DOCK3: variants seen among roughly 807,000 people sequenced by gnomAD.
The protein encoded by DOCK3 is dedicator of cytokinesis protein 3.
DOCK3 carries 60 observed loss-of-function variants against 265.6 expected under a neutral mutation model. The observed-to-expected ratio is 0.23, with a 90% confidence interval of 0.18 to 0.28. The LOEUF is 0.28. Ranked by LOEUF, DOCK3 falls within the 10% of genes least tolerant of loss-of-function variation. The pLI, the probability that DOCK3 is intolerant of heterozygous loss-of-function variation, is 1.00. For synonymous variants in DOCK3, 881 were observed against 938.0 expected, an observed-to-expected ratio of 0.94 and a Z score of 1.11; for missense variants, 1,981 against 2,594.3, an observed-to-expected ratio of 0.76 and a Z score of 5.14.
intron 28 of DOCK3, among the ~76,000 whole-genome samples, chr3:51,311,545 A>G (rs1389642273): frequency 6.6e-6 from 1 of 152,256 alleles, no homozygotes; most frequent in Non-Finnish European, 1.5e-5. Context: ...TTTATTAACT[A>G]TATAAACCCC....
Position 51,310,336 on chromosome 3 carries a change from G to A in DOCK3, c.3017+10G>A. 6.3e-7 allele frequency: 1 copy of A among 1,577,056 alleles called. No homozygotes were observed. Among genetic ancestry groups the A allele is most frequent in the Non-Finnish European group, 8.6e-7 (1 of 1,158,322 alleles). ...GACTGCTCACAAGCAAGTAAGTATG[G>A]AAGGGCTCTGTATCAGCATCACTGA... is the stretch of plus-strand genomic sequence containing the variant. On this transcript the variant is annotated intron_variant, in intron 28 of 52. Coordinates refer to ENST00000266037, the MANE Select transcript of DOCK3 (RefSeq NM_004947.5).
chr3:51,274,767 T>C (rs1560331178), intron 24 of DOCK3, among the ~76,000 whole-genome samples: 2 of 152,068 alleles, frequency 1.3e-5, no homozygotes, highest in African/African-American at 4.8e-5. Flanking sequence ...GGTGACAGAA[T>C]GAGACCCTGT....
intron 5 of DOCK3, among the ~76,000 whole-genome samples, chr3:51,013,118 T>G (rs1326724671): frequency 2.0e-5 from 3 of 152,190 alleles, no homozygotes; most frequent in Admixed American, 6.5e-5. Context: ...TGGAGAAGTT[T>G]GTTATTACCG....
At chr3:51,170,268 GT>G (rs1417042365) in intron 12 of DOCK3, among the ~76,000 whole-genome samples, 1 of 151,796 alleles carries the variant, frequency 6.6e-6, no homozygotes, top group East Asian at 2.0e-4. Context: ...TGTAAAATGG[GT>G]TTGAAAATGA....
chr3:51,029,327 G>A (rs1041692349), intron 5 of DOCK3, among the ~76,000 whole-genome samples: 2 of 152,170 alleles, frequency 1.3e-5, no homozygotes, highest in Non-Finnish European at 2.9e-5. Context: ...CTTTTACTTA[G>A]TTCATGCTTG....
At chr3:50,789,819 G>A (rs1042702372) in intron 2 of DOCK3, among the ~76,000 whole-genome samples, 4 of 152,078 alleles carry the variant, frequency 2.6e-5, no homozygotes, top group Admixed American at 2.0e-4. Flanking sequence ...TGTGACCTGT[G>A]CCTTCTGGGT....
chr3:51,161,689 A>G (rs776353687), intron 12 of DOCK3, among the ~76,000 whole-genome samples: 10 of 152,308 alleles, frequency 6.6e-5, no homozygotes, highest in Non-Finnish European at 1.3e-4. Context: ...TGTCTTGGCT[A>G]TGAGAGTCTT....
chr3:51,320,069 C>T (rs1055839107), intron 32 of DOCK3, among the ~76,000 whole-genome samples: 15 of 152,142 alleles, frequency 9.9e-5, no homozygotes, highest in South Asian at 4.2e-4. Flanking sequence ...TCTGTAGCTC[C>T]CAAGATCAAC....
chr3:50,860,865 A>G (rs1011766742), intron 3 of DOCK3, among the ~76,000 whole-genome samples: 4 of 152,132 alleles, frequency 2.6e-5, no homozygotes, highest in Non-Finnish European at 5.9e-5. Context: ...GTTGCTGCTG[A>G]GCTTTCTGGA....
intron 5 of DOCK3, among the ~76,000 whole-genome samples, chr3:51,036,326 G>A (rs1056414710): frequency 6.6e-6 from 1 of 152,154 alleles, no homozygotes; most frequent in Non-Finnish European, 1.5e-5. Context: ...GTGATCTGCA[G>A]AACCCTGGTA....
chr3:51,321,819 T>C (rs1344489738), intron 32 of DOCK3, among the ~76,000 whole-genome samples: 5 of 152,090 alleles, frequency 3.3e-5, no homozygotes, highest in African/African-American at 4.8e-5. Context: ...CCAAGAAATA[T>C]GGGACTCTGT....
At position 51,361,736 on chromosome 3, in the gene DOCK3, A is replaced by G. The variant is rs763942529; in HGVS notation, c.5007-123A>G. 14 of 1,338,656 alleles carry G rather than the reference A, an allele frequency of 1.0e-5. No homozygotes were observed. Among genetic ancestry groups the G allele is most frequent in the Admixed American group, 2.2e-5 (1 of 44,540 alleles). 82.9% of individuals were successfully genotyped at this position (1,338,656 alleles called of 1,614,324 possible). A position where few individuals can be genotyped will look rare whatever the true frequency, so the allele number is the denominator to read the frequency against. Reference sequence around the variant, plus strand: ...CCTCAGATGGGTATGAGCATTGACTATGGAACCCTCCAAACCGGTGGTAGC... The same window carrying G: ...CCTCAGATGGGTATGAGCATTGACTGTGGAACCCTCCAAACCGGTGGTAGC... On this transcript the variant is annotated intron_variant, in intron 47 of 52. Transcript: ENST00000266037. The surrounding 1 kb of genome is among the most constrained non-coding windows in gnomAD (Gnocchi z 4.2).
In DOCK3 at chr3:51,314,905, T is replaced by A; in HGVS notation, c.3254-75T>A. Reference sequence around the variant, plus strand: ...AGCTTCCAGTATGGATTGTAGCATGTGTTGTGGCCCCATTTGGGAATCTTC... The same window carrying A: ...AGCTTCCAGTATGGATTGTAGCATGAGTTGTGGCCCCATTTGGGAATCTTC... On this transcript the variant is annotated intron_variant, in intron 31 of 52. Transcript: ENST00000266037. 2.0e-6 allele frequency: 3 copies of A among 1,470,640 alleles called. 1 individual carries two copies. In the South Asian group the frequency reaches 4.3e-5, roughly 21 times the overall value. 91.1% of individuals were successfully genotyped at this position (1,470,640 alleles called of 1,614,324 possible).
At chr3:50,697,816 G>A (rs2035730646) in intron 1 of DOCK3, among the ~76,000 whole-genome samples, 1 of 152,006 alleles carries the variant, frequency 6.6e-6, no homozygotes, top group South Asian at 2.1e-4. Context: ...TCCTGTGACT[G>A]GAGAGACACC....
At chr3:51,372,183 CAG>C (rs1553615473) in intron 49 of DOCK3, among the ~76,000 whole-genome samples, 1 of 152,192 alleles carries the variant, frequency 6.6e-6, no homozygotes, top group African/African-American at 2.4e-5. Context: ...AGCTAGGAAA[CAG>C]GGATTTTGAA....
In DOCK3 at chr3:51,229,533, A is replaced by G; in HGVS notation, c.1841A>G (p.Lys614Arg). 6.2e-7 allele frequency: 1 copy of G among 1,606,996 alleles called. No homozygotes were observed. Among genetic ancestry groups the G allele is most frequent in the Non-Finnish European group, 8.5e-7 (1 of 1,176,798 alleles). The change falls in exon 19 of 53, where the codon AAG (lysine) becomes AGG (arginine). Residue 614 changes from lysine to arginine, a missense_variant. By Grantham distance (26) the Lys-to-Arg change is conservative. Around this residue, in one of 4 missense-constraint regions of DOCK3, gnomAD observed 1,357 missense variants for 1,866.8 expected, o/e 0.73. Transcript: ENST00000266037. ...TQNVDLLALL[K>R]WKAFPDRIMD... Reference sequence around the variant, plus strand: ...CTAGTGGACCTCCTAGCTCTGCTGAAGTGGAAAGCCTTCCCCGACCGGATC... The same window carrying G: ...CTAGTGGACCTCCTAGCTCTGCTGAGGTGGAAAGCCTTCCCCGACCGGATC...
intron 5 of DOCK3, among the ~76,000 whole-genome samples, chr3:51,011,745 C>G (rs1386509588): frequency 1.2e-4 from 18 of 152,160 alleles, no homozygotes; most frequent in Admixed American, 1.2e-3. Flanking sequence ...TTTTCCCCAT[C>G]TTTGTGGTTT....
intron 2 of DOCK3, among the ~76,000 whole-genome samples, chr3:50,810,695 ATATAT>A (rs1364231491): frequency 1.3e-5 from 2 of 152,126 alleles, no homozygotes; most frequent in Non-Finnish European, 2.9e-5. Context: ...AATCTGAAAA[ATATAT>A]TAAATAAAAG....
At chr3:51,256,246 A>G (rs373865101) in intron 22 of DOCK3, among the ~76,000 whole-genome samples, 10 of 152,256 alleles carry the variant, frequency 6.6e-5, no homozygotes, top group African/African-American at 2.4e-4. Context: ...AGCTGTTCCT[A>G]TTCAGCCATC....
Sources: allele counts gnomAD v4.1 joint callset (sites outside exome capture counted in the v4.1 genomes callset), GRCh38; gene constraint gnomAD v4.1.1; regional missense constraint gnomAD v4.1.1; non-coding constraint Gnocchi (gnomAD v3.1); transcripts MANE v1.5; gene names NCBI Gene and HGNC (gene_info 2026-07-23, HGNC 2026-07-21).